Variants in STEAP3 observed in about 807,000 individuals in gnomAD.
STEAP3 encodes STEAP3 metalloreductase, also known as metalloreductase STEAP3.
STEAP3 carries 35 observed loss-of-function variants against 34.9 expected under a neutral mutation model. That is an observed-to-expected ratio of 1.00 (90% CI 0.76 to 1.33). STEAP3 has a LOEUF of 1.33. STEAP3 is among the 40% of genes most tolerant of loss of function. The pLI is 0.00. For missense variants in STEAP3, 652 were observed against 667.6 expected (o/e 0.98, Z 0.26); for synonymous variants, 281 against 301.6 (o/e 0.93, Z 0.71).
At chr2:119,233,818 AC>A (rs1178429224) in intron 2 of STEAP3, among the ~76,000 whole-genome samples, 1 of 152,186 alleles carries the variant, frequency 6.6e-6, no homozygotes, top group Non-Finnish European at 1.5e-5. Context: ...CCTGGACCAG[AC>A]TTTTGAGCTC....
chr2:119,246,248 C>T (rs1466048603), intron 3 of STEAP3: 4 of 481,268 alleles, frequency 8.3e-6, no homozygotes, highest in Admixed American at 3.5e-5. Flanking sequence ...AACAGGGTTT[C>T]CTAGAGGGCA....
intron 2 of STEAP3, among the ~76,000 whole-genome samples, chr2:119,235,572 A>G (rs1353127306): frequency 1.3e-5 from 2 of 152,238 alleles, no homozygotes; most frequent in Non-Finnish European, 2.9e-5. Flanking sequence ...GAGCCCAGCA[A>G]TATGTTTTCA....
rs200527547 is a variant in STEAP3, at chr2:119,245,579, C to T, written c.113C>T (p.Ala38Val). Residue 38 changes from alanine to valine, a missense_variant, in exon 3 of 6, where the codon GCC becomes GTC. Coordinates refer to ENST00000393110, the MANE Select transcript of STEAP3 (RefSeq NM_182915.3). The part of the protein sequence containing the change: ...DSSLAKVPDE[A>V]PKVGILGSGD... ...AGCCTTGCCAAGGTCCCCGATGAGG[C>T]CCCCAAAGTGGGCATCCTGGGTAGC... 2 of 1,606,530 alleles carry T rather than the reference C, an allele frequency of 1.2e-6. No individual in the cohort carries two copies. The highest frequency in any genetic ancestry group is 1.1e-5 in the South Asian group (1 of 90,992).
chr2:119,263,134 G>T lies in STEAP3; in HGVS notation c.1293G>T (p.Glu431Asp). 1 of 1,613,796 alleles carries T rather than the reference G, an allele frequency of 6.2e-7. No individual in the cohort carries two copies. The highest frequency in any genetic ancestry group is 8.5e-7 in the Non-Finnish European group (1 of 1,180,032). Residue 431 changes from glutamate to aspartate, a missense_variant, in exon 6 of 6, where the codon GAG (glutamate) becomes GAT (aspartate). By Grantham distance (45) the Glu-to-Asp change is conservative (BLOSUM62 2). Transcript: ENST00000393110. ...ACGGCTGGACCCGCGCCTTCGAGGA[G>T]AGCCGCTACAAGTTCTACCTGCCTC... ...LTYGWTRAFE[E>D]SRYKFYLPPT...
At position 119,264,970 on chromosome 2, in the gene STEAP3, G is replaced by T. The variant is rs1405447409; in HGVS notation, c.*1632G>T. ...CTCTTCCTGCAGGTATTTTCCATCT[G>T]CTGTGCCAAGGCTGAGCGGCAGAAA... On this transcript the variant is annotated 3_prime_UTR_variant, in exon 6 of 6. Transcript: ENST00000393110. 1 of 152,256 alleles carries T rather than the reference G, an allele frequency of 6.6e-6. No individual in the cohort carries two copies. The highest frequency in any genetic ancestry group is 2.4e-5 in the African/African-American group (1 of 41,468). 9.4% of individuals were successfully genotyped at this position (152,256 alleles called of 1,614,324 possible).
In STEAP3 at chr2:119,262,161, C is replaced by T. The variant is rs1186066329; in HGVS notation, c.1216-896C>T. On this transcript the variant is annotated intron_variant, in intron 5 of 5. Transcript: ENST00000393110. ...TCGCTACTGGTGCCAAATCCACGTG[C>T]CATCTGTAAATTATTTACTCTGCAT... Among the ~76,000 whole-genome samples, 3 of 152,082 alleles carry T rather than the reference C, an allele frequency of 2.0e-5. No individual in the cohort carries two copies. The East Asian group carries it at 5.8e-4, about 29-fold the overall frequency.
chr2:119,224,874 A>G (rs921911597), intron 1 of STEAP3, among the ~76,000 whole-genome samples: 8 of 152,204 alleles, frequency 5.3e-5, no homozygotes, highest in African/African-American at 1.9e-4. Context: ...GGAAGGCACC[A>G]TTATCTCTTG....
Position 119,258,597 on chromosome 2 carries a change from ATTTTTTTTTTTTTTTT to A in STEAP3, c.1215+3762_1215+3777del, listed in dbSNP as rs57364767. Among the ~76,000 whole-genome samples, 8 of 69,938 alleles carry A rather than the reference ATTTTTTTTTTTTTTTT, an allele frequency of 1.1e-4. 1 individual carries two copies. The highest frequency in any genetic ancestry group is 7.2e-4 in the East Asian group (1 of 1,388). 45.9% of individuals were successfully genotyped at this position (69,938 alleles called of 152,430 possible). Reference sequence around the variant, plus strand: ...CATGTTGTTTTGTGTTCCTTTGGGTATTTTTTTTTTTTTTTTTTTTTTTTTTTTGAGACGGAGTCTC... The same window carrying A: ...CATGTTGTTTTGTGTTCCTTTGGGTATTTTTTTTTTTTGAGACGGAGTCTC... On this transcript the variant is annotated intron_variant, in intron 5 of 5. Transcript: ENST00000393110.
Position 119,262,942 on chromosome 2 carries a change from G to T in STEAP3, c.1216-115G>T, listed in dbSNP as rs1677985842. 4.9e-6 allele frequency: 7 copies of T among 1,415,570 alleles called. No homozygotes were observed. The South Asian group carries it at 5.1e-5, about 10-fold the overall frequency. The allele number at this position is 1,415,570 out of a possible 1,614,324, so 87.7% of individuals were successfully genotyped here. A position where few individuals can be genotyped will look rare whatever the true frequency, so the allele number is the denominator to read the frequency against. On this transcript the variant is annotated intron_variant, in intron 5 of 5. Transcript: ENST00000393110. The stretch of plus-strand genomic sequence containing the variant: ...AGGACTGGGGTTCCAACCCATAGCG[G>T]TGAGTACTAAAGCCACCCTCCTTCC...
intron 2 of STEAP3, among the ~76,000 whole-genome samples, chr2:119,244,159 A>C (rs547898894): frequency 1.7e-4 from 26 of 152,238 alleles, no homozygotes; most frequent in Admixed American, 1.6e-3. Flanking sequence ...CTTTATTAGC[A>C]CATTAAATGA....
intron 5 of STEAP3, among the ~76,000 whole-genome samples, chr2:119,256,066 C>T (rs1677764898): frequency 6.6e-6 from 1 of 152,220 alleles, no homozygotes; most frequent in Non-Finnish European, 1.5e-5. Context: ...GCCATTGTAA[C>T]AGGGCAGAGA....
intron 2 of STEAP3, among the ~76,000 whole-genome samples, chr2:119,233,682 T>A (rs1677009235): frequency 1.3e-5 from 2 of 152,080 alleles, no homozygotes; most frequent in Admixed American, 6.6e-5. Flanking sequence ...TCCAATGAGG[T>A]GACAGACAAG....
intron 4 of STEAP3, among the ~76,000 whole-genome samples, 159 bp from the exon 5 acceptor site, chr2:119,254,525 C>T (rs1222705340): frequency 6.6e-6 from 1 of 152,114 alleles, no homozygotes; most frequent in Non-Finnish European, 1.5e-5. Flanking sequence ...TTTGAGGATT[C>T]GATGAGTTAA....
chr2:119,241,990 C>A (rs1677260677), intron 2 of STEAP3, among the ~76,000 whole-genome samples: 1 of 152,208 alleles, frequency 6.6e-6, no homozygotes, highest in Admixed American at 6.5e-5. Context: ...CTGGGCCATA[C>A]CTGTGCCATT....
At chr2:119,247,497 CAGAGA>C (rs1176504193) in intron 3 of STEAP3, among the ~76,000 whole-genome samples, 177 bp from the exon 4 acceptor site, 1 of 152,194 alleles carries the variant, frequency 6.6e-6, no homozygotes, top group Non-Finnish European at 1.5e-5. Context: ...GCCTGGGCAG[CAGAGA>C]AAAGACCCCT....
chr2:119,248,271 C>G lies in STEAP3; in HGVS notation c.1050+65C>G, dbSNP rs562124996. ...ACATGCTTGTCCAGCACCTCCCCCC[C>G]CCACCAACCAGGTGCAGCCGATACC... is the stretch of plus-strand genomic sequence containing the variant. On this transcript the variant is annotated intron_variant, in intron 4 of 5. Transcript: ENST00000393110. 287 of 1,493,562 alleles carry G rather than the reference C, an allele frequency of 1.9e-4. No individual in the cohort carries two copies. In the East Asian group the frequency reaches 2.1e-3, roughly 11 times the overall value. 92.5% of individuals were successfully genotyped at this position (1,493,562 alleles called of 1,614,324 possible). A position where few individuals can be genotyped will look rare whatever the true frequency, so the allele number is the denominator to read the frequency against.
intron 1 of STEAP3, among the ~76,000 whole-genome samples, chr2:119,226,746 C>T (rs905335643): frequency 2.0e-5 from 3 of 152,176 alleles, no homozygotes; most frequent in East Asian, 1.9e-4. Flanking sequence ...GCCACACACC[C>T]TCACCATCCT....
intron 2 of STEAP3, among the ~76,000 whole-genome samples, chr2:119,234,596 G>A (rs1677035983): frequency 6.6e-6 from 1 of 152,232 alleles, no homozygotes; most frequent in Non-Finnish European, 1.5e-5. Flanking sequence ...TTGGCCACCT[G>A]CATGGCCCCG....
chr2:119,233,103 C>T (rs1403560022), intron 2 of STEAP3, among the ~76,000 whole-genome samples: 1 of 152,236 alleles, frequency 6.6e-6, no homozygotes, highest in Non-Finnish European at 1.5e-5. Flanking sequence ...ATGGCAGCAG[C>T]TGGGCCTCAC....
Sources: gnomAD v4.1 joint callset for allele counts (sites outside exome capture counted in the v4.1 genomes callset) on GRCh38, gnomAD v4.1.1 for gene constraint, MANE v1.5 for transcripts, NCBI Gene and HGNC (gene_info 2026-07-23, HGNC 2026-07-21) for gene names.